FANCB: variants seen among roughly 807,000 people sequenced by gnomAD.
The protein encoded by FANCB is Fanconi anemia group B protein.
Under a neutral mutation model 38.9 loss-of-function variants are expected in FANCB, and 5 were observed. That is an observed-to-expected ratio of 0.13 (90% CI 0.07 to 0.27). FANCB has a LOEUF of 0.27. Ranked by LOEUF, FANCB falls within the 10% of genes least tolerant of loss-of-function variation. The probability of loss-of-function intolerance (pLI) is 1.00; values close to 1 mark genes in which losing one functional copy is unlikely to be tolerated. For synonymous variants in FANCB, 236 were observed against 215.4 expected, an observed-to-expected ratio of 1.10 and a Z score of -0.84; for missense variants, 573 against 602.7, an observed-to-expected ratio of 0.95 and a Z score of 0.52.
At chrX:14,746,581 G>A in the FANCB span, among the ~76,000 whole-genome samples, 2 of 112,174 alleles carry the variant, frequency 1.8e-5, no homozygotes, top group African/African-American at 3.2e-5. Flanking sequence ...GAACAAAGGA[G>A]AATTTCCAGC....
At chrX:14,723,370 C>A in the FANCB span, among the ~76,000 whole-genome samples, 1 of 112,034 alleles carries the variant, frequency 8.9e-6, no homozygotes, top group African/African-American at 3.2e-5. Flanking sequence ...TCTACCTATA[C>A]CACCACCCAT....
the FANCB span, among the ~76,000 whole-genome samples, chrX:14,790,522 A>C: frequency 1.8e-5 from 2 of 112,150 alleles, no homozygotes; most frequent in Non-Finnish European, 3.8e-5. Context: ...TTATATGTCT[A>C]CTATAATCAT....
At chrX:14,834,914 T>TA (rs754033747), downstream of FANCB, 30 of 817,148 alleles carry the variant, frequency 3.7e-5, no homozygotes, top group Non-Finnish European at 4.7e-5. Context: ...CAGATATACT[T>TA]AAGAGTTTCA....
At chrX:14,723,128 C>T in the FANCB span, among the ~76,000 whole-genome samples, 1 of 112,161 alleles carries the variant, frequency 8.9e-6, no homozygotes, top group Non-Finnish European at 1.9e-5. Context: ...GAGTTACAGA[C>T]TGTCCATTGC....
the FANCB span, among the ~76,000 whole-genome samples, chrX:14,796,691 T>TACACAC: frequency 4.4e-3 from 316 of 71,959 alleles, 3 homozygotes; most frequent in African/African-American, 7.3e-3. Flanking sequence ...CACGTCTATA[T>TACACAC]ATACACACAC....
chrX:14,707,614 C>T, the FANCB span, among the ~76,000 whole-genome samples: 23 of 93,793 alleles, frequency 2.5e-4, no homozygotes, highest in Middle Eastern at 0.014. Context: ...AAGAAAATAT[C>T]ATGGTATATC....
chrX:14,839,185 T>C (rs928692319), downstream of FANCB, among the ~76,000 whole-genome samples: 1 of 110,916 alleles, frequency 9.0e-6, no homozygotes, highest in African/African-American at 3.3e-5. Flanking sequence ...TCCCGGCTAC[T>C]TGGGAAGCTA....
At chrX:14,712,495 C>T in the FANCB span, among the ~76,000 whole-genome samples, 3 of 108,843 alleles carry the variant, frequency 2.8e-5, no homozygotes, top group Non-Finnish European at 5.7e-5. Flanking sequence ...TTAAGATAAT[C>T]ACTCTTAATT....
chrX:14,806,222 G>A, the FANCB span, among the ~76,000 whole-genome samples: 1 of 111,693 alleles, frequency 9.0e-6, no homozygotes, highest in African/African-American at 3.3e-5. Flanking sequence ...AAATGAAAGA[G>A]AGCCCAGTAC....
the FANCB span, among the ~76,000 whole-genome samples, chrX:14,719,004 C>T: frequency 9.0e-6 from 1 of 111,703 alleles, no homozygotes; most frequent in South Asian, 3.8e-4. Context: ...ATTGTTGTGG[C>T]CATCTTTGAC....
chrX:14,690,373 G>A, the FANCB span, among the ~76,000 whole-genome samples: 4 of 111,300 alleles, frequency 3.6e-5, no homozygotes, highest in East Asian at 1.1e-3. Flanking sequence ...TGTCTAAATT[G>A]AGCTACTTAA....
At chrX:14,796,691 T>C in the FANCB span, among the ~76,000 whole-genome samples, 68 of 71,965 alleles carry the variant, frequency 9.4e-4, 1 homozygote, top group African/African-American at 3.1e-3. Flanking sequence ...CACGTCTATA[T>C]ATACACACAC....
At chrX:14,821,718 C>T in the FANCB span, among the ~76,000 whole-genome samples, 6,046 of 111,456 alleles carry the variant, frequency 0.054, 154 homozygotes, top group Non-Finnish European at 0.081. Context: ...AGCCAATAGG[C>T]ATCAAGTGTG....
chrX:14,764,774 C>T, the FANCB span, among the ~76,000 whole-genome samples: 9 of 111,603 alleles, frequency 8.1e-5, no homozygotes, highest in Admixed American at 4.8e-4. Flanking sequence ...GTTTATGTGA[C>T]CAATAAAGTA....
the FANCB span, among the ~76,000 whole-genome samples, chrX:14,784,201 A>G: frequency 5.3e-5 from 6 of 112,497 alleles, no homozygotes; most frequent in Admixed American, 5.6e-4. Flanking sequence ...CAAGAAGCGA[A>G]ACTCAGTCTC....
the FANCB span, among the ~76,000 whole-genome samples, chrX:14,705,807 T>C: frequency 8.9e-6 from 1 of 111,854 alleles, no homozygotes; most frequent in African/African-American, 3.3e-5. Context: ...TTTTGTTGGG[T>C]GTATGATTTA....
At chrX:14,780,581 C>T in the FANCB span, among the ~76,000 whole-genome samples, 1 of 110,557 alleles carries the variant, frequency 9.0e-6, no homozygotes. Flanking sequence ...ACATTTATTG[C>T]CTAGATCAGG....
At chrX:14,839,280 A>G (rs2092348816), downstream of FANCB, among the ~76,000 whole-genome samples, 1 of 110,852 alleles carries the variant, frequency 9.0e-6, no homozygotes, top group African/African-American at 3.3e-5. Context: ...CAAGAGAATA[A>G]GACCCTGTCT....
the FANCB span, among the ~76,000 whole-genome samples, chrX:14,774,904 C>T: frequency 9.0e-6 from 1 of 111,207 alleles, no homozygotes; most frequent in African/African-American, 3.3e-5. Context: ...ACAATCTCGG[C>T]TCACTGCAAG....
Sources: allele counts gnomAD v4.1 joint callset (sites outside exome capture counted in the v4.1 genomes callset), GRCh38; gene constraint gnomAD v4.1.1; transcripts MANE v1.5; gene names NCBI Gene and HGNC (gene_info 2026-07-23, HGNC 2026-07-21).